Variants in RIMS1 observed in about 807,000 individuals in gnomAD.
RIMS1 encodes regulating synaptic membrane exocytosis 1.
A neutral mutation model predicts 214.1 loss-of-function variants in RIMS1; 83 were observed. The ratio of observed to expected loss-of-function variants is 0.39; its 90% CI spans 0.32 to 0.47. The LOEUF is 0.47. RIMS1 is among the 20% of genes least tolerant of loss of function. RIMS1 has a pLI of 0.99. For synonymous variants in RIMS1, 793 were observed against 786.8 expected, an observed-to-expected ratio of 1.01 and a Z score of -0.13; for missense variants, 2,050 against 2,161.8, an observed-to-expected ratio of 0.95 and a Z score of 1.03.
At chr6:72,173,731 AT>A (rs2047341110) in intron 4 of RIMS1, among the ~76,000 whole-genome samples, 1 of 151,994 alleles carries the variant, frequency 6.6e-6, no homozygotes, top group African/African-American at 2.4e-5. Flanking sequence ...TATAGTTTTT[AT>A]TTTAATAGTT....
chr6:71,955,821 A>T (rs780921750), intron 1 of RIMS1, among the ~76,000 whole-genome samples: 1 of 152,108 alleles, frequency 6.6e-6, no homozygotes, highest in Non-Finnish European at 1.5e-5. Context: ...AGTAATTCTT[A>T]ACTACTTAGT....
Position 72,069,878 on chromosome 6 carries a change from G to T in RIMS1, c.246-27071G>T, listed in dbSNP as rs144093783. On this transcript the variant is annotated intron_variant, in intron 2 of 33. Transcript: ENST00000521978. ...TTCTGGTCCATGCTTAACTTAATTT[G>T]ATTTGTTTGTATGTGTTGGGATGAG... Among the ~76,000 whole-genome samples the T allele has an allele frequency of 6.9e-3, 1,056 of 152,280 alleles. 28 individuals carry two copies. Among genetic ancestry groups the T allele is most frequent in the Admixed American group, 0.033 (511 of 15,286 alleles).
intron 4 of RIMS1, among the ~76,000 whole-genome samples, chr6:72,165,268 T>A (rs1467073239): frequency 6.6e-6 from 1 of 152,358 alleles, no homozygotes; most frequent in East Asian, 1.9e-4. Context: ...ACTTAGTTCT[T>A]AATTACATAA....
chr6:71,902,080 G>A (rs1026350919), intron 1 of RIMS1, among the ~76,000 whole-genome samples: 9 of 152,076 alleles, frequency 5.9e-5, no homozygotes, highest in African/African-American at 2.2e-4. Flanking sequence ...AATTTAAATG[G>A]ATAAAGTTAA....
chr6:72,397,905 A>AGC (rs2098798168), intron 31 of RIMS1, among the ~76,000 whole-genome samples: 1 of 152,208 alleles, frequency 6.6e-6, no homozygotes, highest in Non-Finnish European at 1.5e-5. Context: ...TAATGAAAAT[A>AGC]CATATGGTTA....
intron 4 of RIMS1, among the ~76,000 whole-genome samples, chr6:72,172,101 A>G (rs1162823307): frequency 1.3e-5 from 2 of 152,170 alleles, no homozygotes; most frequent in African/African-American, 4.8e-5. Context: ...TTGGTAAGAA[A>G]TACTATGAAT....
At chr6:71,896,495 G>C (rs371081066) in intron 1 of RIMS1, among the ~76,000 whole-genome samples, 31 of 152,158 alleles carry the variant, frequency 2.0e-4, no homozygotes, top group African/African-American at 7.5e-4. Context: ...GGGCTATCTA[G>C]TCCCTGACTT....
chr6:71,965,610 G>A (rs1419538297), intron 1 of RIMS1, among the ~76,000 whole-genome samples: 2 of 152,202 alleles, frequency 1.3e-5, no homozygotes, highest in Non-Finnish European at 2.9e-5. Context: ...CAGCAGCGCT[G>A]AGGGCGGAGT....
chr6:71,940,866 G>A (rs1254969035), intron 1 of RIMS1, among the ~76,000 whole-genome samples: 1 of 152,106 alleles, frequency 6.6e-6, no homozygotes, highest in African/African-American at 2.4e-5. Context: ...AAAAAGACAT[G>A]TTAGGGTTGT....
In RIMS1 at chr6:72,008,970, G is replaced by A. The variant is rs937739281; in HGVS notation, c.245+39907G>A. Among the ~76,000 whole-genome samples the A allele has an allele frequency of 4.8e-4, 73 of 152,092 alleles. 1 individual carries two copies. The highest frequency in any genetic ancestry group is 8.2e-4 in the Non-Finnish European group (56 of 67,990). On this transcript the variant is annotated intron_variant, in intron 2 of 33. Transcript: ENST00000521978. ...AATTGAACTCAGCTCTGCACCAAGC[G>A]GGCCTAAAAGACACCTACAGAACTC...
chr6:71,993,404 A>T, intron 2 of RIMS1, among the ~76,000 whole-genome samples: 1 of 152,232 alleles, frequency 6.6e-6, no homozygotes, highest in East Asian at 1.9e-4. Context: ...CCCAAAGTTC[A>T]TGACATGCAA....
In RIMS1 at chr6:72,179,582, G is replaced by A; in HGVS notation, c.479G>A (p.Trp160Ter). Residue 160 changes from tryptophan (W) to a stop codon, truncating the protein, a stop_gained, in exon 5 of 34, where the codon TGG becomes TAG. Coordinates refer to ENST00000521978, the MANE Select transcript of RIMS1 (RefSeq NM_014989.7). LOFTEE classifies it high-confidence loss of function. ...TCTTTCTTCTTCAAATAGGTTATGTGGGTATGCAATTTATGTCGAAAGCAA... is the reference window on the plus strand; with the variant it reads ...TCTTTCTTCTTCAAATAGGTTATGTAGGTATGCAATTTATGTCGAAAGCAA... ...RSNNEDKVVM[W>*]VCNLCRKQQE... 1 of 1,612,626 alleles carries A rather than the reference G, an allele frequency of 6.2e-7. No homozygotes were observed. Among genetic ancestry groups the A allele is most frequent in the Non-Finnish European group, 8.5e-7 (1 of 1,178,882 alleles).
intron 19 of RIMS1, chr6:72,262,506 A>G (rs1299381827): frequency 9.1e-6 from 9 of 985,240 alleles, no homozygotes; most frequent in African/African-American, 1.7e-5. Context: ...ATATGTCACC[A>G]GTGTCTTTTC....
chr6:71,988,492 G>A (rs1800677178), intron 2 of RIMS1, among the ~76,000 whole-genome samples: 1 of 151,996 alleles, frequency 6.6e-6, no homozygotes, highest in Non-Finnish European at 1.5e-5. Context: ...CCATTTCTGG[G>A]AATATTTCAG....
rs754554575 is a variant in RIMS1 at position 72,274,414 on chromosome 6, C to G, written c.3464C>G (p.Ala1155Gly). The G allele has an allele frequency of 1.9e-6, 3 of 1,612,748 alleles. No homozygotes were observed. Among genetic ancestry groups the G allele is most frequent in the East Asian group, 4.5e-5 (2 of 44,862 alleles). ...AGTCCCAGGATTCAAATCCAGCATG[C>G]GTCTCCGGAGAATGACAGGTACTAG... ...PPSPRIQIQH[A>G]SPENDRHSRK... Residue 1155 changes from alanine to glycine, a missense_variant, in exon 23 of 34, where the codon GCG (alanine) becomes GGG (glycine). Physicochemically the swap from Ala to Gly is moderately conservative, Grantham distance 60. This residue lies in a region of RIMS1 where 889 missense variants were observed against 885.5 expected (regional missense o/e 1.00). Transcript: ENST00000521978.
chr6:72,093,210 GTATA>G (rs368970705), intron 2 of RIMS1, among the ~76,000 whole-genome samples: 1 of 56,484 alleles, frequency 1.8e-5, no homozygotes, highest in Non-Finnish European at 5.3e-5. Context: ...ATGTATGTGA[GTATA>G]TATATATATA....
intron 4 of RIMS1, among the ~76,000 whole-genome samples, chr6:72,100,962 G>A (rs553031504): frequency 9.9e-5 from 15 of 151,962 alleles, no homozygotes; most frequent in African/African-American, 3.6e-4. Flanking sequence ...TCTATTTTTG[G>A]TATTTATTTT....
chr6:72,079,853 C>T (rs888248684), intron 2 of RIMS1, among the ~76,000 whole-genome samples: 2 of 151,812 alleles, frequency 1.3e-5, no homozygotes, highest in African/African-American at 4.8e-5. Flanking sequence ...CACTGCACTC[C>T]AGCCTGGGTG....
chr6:72,311,433 T>C (rs2095505226), intron 27 of RIMS1, among the ~76,000 whole-genome samples: 4 of 152,236 alleles, frequency 2.6e-5, no homozygotes, highest in Admixed American at 2.6e-4. Context: ...CTGAATTTGC[T>C]GGTAAACCAT....
Sources: gnomAD v4.1 joint callset for allele counts (sites outside exome capture counted in the v4.1 genomes callset) on GRCh38, gnomAD v4.1.1 for gene constraint, gnomAD v4.1.1 regional missense constraint, MANE v1.5 for transcripts, NCBI Gene and HGNC (gene_info 2026-07-23, HGNC 2026-07-21) for gene names.